NUP37: variants seen among roughly 807,000 people sequenced by gnomAD.
NUP37 encodes nucleoporin 37.
A neutral mutation model predicts 45.4 loss-of-function variants in NUP37; 33 were observed. That is an observed-to-expected ratio of 0.73 (90% CI 0.55 to 0.97). NUP37 has a LOEUF of 0.97. NUP37 is among the 50% of genes least tolerant of loss of function. The pLI is 0.00. For missense variants in NUP37, 365 were observed against 389.7 expected, an observed-to-expected ratio of 0.94 and a Z score of 0.53; for synonymous variants, 127 against 130.7, an observed-to-expected ratio of 0.97 and a Z score of 0.19.
chr12:102,076,945 CCAATGTGTTTAAA>C, intron 7 of NUP37, 98 bp from the exon 8 acceptor site: 2 of 816,188 alleles, frequency 2.5e-6, no homozygotes, highest in Non-Finnish European at 2.0e-6. Flanking sequence ...GACAGAATGT[CCAATGTGTTTAAA>C]CTATAATAAA....
intron 5 of NUP37, among the ~76,000 whole-genome samples, chr12:102,096,654 T>C (rs934422774): frequency 7.2e-5 from 11 of 152,192 alleles, no homozygotes; most frequent in African/African-American, 2.7e-4. Context: ...TCATATGATA[T>C]ACTCTCTTGT....
intron 6 of NUP37, among the ~76,000 whole-genome samples, chr12:102,078,327 T>A (rs4237984): frequency 0.81 from 115,617 of 142,728 alleles, 44,719 homozygotes; most frequent in Middle Eastern, 0.84. Flanking sequence ...ATTCCTTCTT[T>A]AAAAAAAAAA....
In NUP37 at chr12:102,116,997, G is replaced by A. The variant is rs776682339; in HGVS notation, c.156+1366C>T. On this transcript the variant is annotated intron_variant, in intron 2 of 9. Coordinates refer to ENST00000552283, the MANE Select transcript of NUP37 (RefSeq NM_024057.4). ...AGCCTGGATGACAGAGCGAGACTCC[G>A]TCTCAAAACAAAACAAAACAAAAAC... 3.9e-5 allele frequency among the ~76,000 whole-genome samples: 6 copies of A among 152,198 alleles called. No individual in the cohort carries two copies. The East Asian group carries it at 1.2e-3, about 29-fold the overall frequency.
At chr12:102,088,136 A>T (rs1172304844) in intron 5 of NUP37, among the ~76,000 whole-genome samples, 9 of 152,216 alleles carry the variant, frequency 5.9e-5, no homozygotes, top group Admixed American at 5.9e-4. Flanking sequence ...TGTAAAATAC[A>T]ACAAATTGGG....
chr12:102,077,899 AC>A (rs1418636098), intron 6 of NUP37, among the ~76,000 whole-genome samples: 4 of 152,178 alleles, frequency 2.6e-5, no homozygotes, highest in African/African-American at 9.7e-5. Context: ...AAAATCTGAA[AC>A]CCTTCTAGTT....
intron 4 of NUP37, among the ~76,000 whole-genome samples, chr12:102,100,690 T>C (rs1879945214): frequency 6.6e-6 from 1 of 152,208 alleles, no homozygotes; most frequent in South Asian, 2.1e-4. Flanking sequence ...ACTGATCATT[T>C]GTTCCCATGA....
intron 6 of NUP37, among the ~76,000 whole-genome samples, chr12:102,081,670 A>G (rs1200755908): frequency 6.6e-6 from 1 of 152,184 alleles, no homozygotes; most frequent in East Asian, 1.9e-4. Context: ...TGGAAAATAG[A>G]AAGCATTCAA....
intron 6 of NUP37, among the ~76,000 whole-genome samples, chr12:102,082,759 T>C (rs1879364680): frequency 6.6e-6 from 1 of 152,112 alleles, no homozygotes; most frequent in Admixed American, 6.5e-5. Flanking sequence ...CTTAGTCTAG[T>C]AGGCAAGAAG....
intron 3 of NUP37, among the ~76,000 whole-genome samples, chr12:102,110,686 A>G (rs530200649): frequency 1.3e-5 from 2 of 152,052 alleles, no homozygotes; most frequent in Non-Finnish European, 2.9e-5. Flanking sequence ...TACAAAAAAT[A>G]CCAAAATTAG....
intron 2 of NUP37, among the ~76,000 whole-genome samples, chr12:102,114,434 T>C (rs1880404955): frequency 6.6e-6 from 1 of 152,216 alleles, no homozygotes; most frequent in South Asian, 2.1e-4. Flanking sequence ...CTGAGCCAAC[T>C]AAAAGGCCCG....
Position 102,099,293 on chromosome 12 carries a change from C to T in NUP37, c.355-93G>A, listed in dbSNP as rs1879905136. 3.8e-6 allele frequency: 3 copies of T among 783,712 alleles called. No homozygotes were observed. The East Asian group carries it at 7.9e-5, about 21-fold the overall frequency. 48.5% of individuals were successfully genotyped at this position (783,712 alleles called of 1,614,324 possible). On this transcript the variant is annotated intron_variant, in intron 4 of 9. Transcript: ENST00000552283. ...TATTTTTGCTTCACTGCCTTAAAAG[C>T]TTTCACTGCCTGTTTTTCTATAAAT...
chr12:102,101,479 A>G lies in NUP37; in HGVS notation c.282-375T>C, dbSNP rs189962335. 3.5e-3 allele frequency among the ~76,000 whole-genome samples: 528 copies of G among 152,304 alleles called. 1 individual carries two copies. Among genetic ancestry groups the G allele is most frequent in the Non-Finnish European group, 6.0e-3 (408 of 68,016 alleles). On this transcript the variant is annotated intron_variant, in intron 3 of 9. Coordinates refer to ENST00000552283, the MANE Select transcript of NUP37 (RefSeq NM_024057.4). The stretch of plus-strand genomic sequence containing the variant: ...TTCATTTTAGCCAGGTCACCAAGAC[A>G]TATTAAAAATATTGTTATACATCTA...
chr12:102,095,561 A>C (rs779925163), intron 5 of NUP37, among the ~76,000 whole-genome samples: 5 of 152,066 alleles, frequency 3.3e-5, no homozygotes, highest in Non-Finnish European at 7.4e-5. Flanking sequence ...TTTACTTGGG[A>C]ATTTCTTTTA....
intron 5 of NUP37, among the ~76,000 whole-genome samples, chr12:102,087,398 C>T (rs1879502275): frequency 6.6e-6 from 1 of 152,120 alleles, no homozygotes; most frequent in African/African-American, 2.4e-5. Context: ...CAAATGAACA[C>T]AGATGTTTTT....
At chr12:102,085,198 T>G (rs974633748) in intron 6 of NUP37, among the ~76,000 whole-genome samples, 8 of 152,000 alleles carry the variant, frequency 5.3e-5, no homozygotes, top group Non-Finnish European at 7.4e-5. Flanking sequence ...GATGAGCGGA[T>G]CATCTGAGCT....
Position 102,077,349 on chromosome 12 carries a change from C to T in NUP37, c.695G>A (p.Trp232Ter), listed in dbSNP as rs776459315. The change falls in exon 7 of 10, where the codon TGG (tryptophan) becomes TAG (stop). Residue 232 changes from tryptophan (W) to a stop codon, truncating the protein, a stop_gained. Transcript: ENST00000552283. LOFTEE classifies it high-confidence loss of function. ...FKVGAVAGND[W>*]LIWDITRSSY... ...GGACCGAGTAATATCCCAAATTAACCAATCATTTCCTGCAACGGCTCCAAC... is the reference window on the plus strand; with the variant it reads ...GGACCGAGTAATATCCCAAATTAACTAATCATTTCCTGCAACGGCTCCAAC... The T allele has an allele frequency of 6.2e-7, 1 of 1,614,028 alleles. No individual in the cohort carries two copies. The highest frequency in any genetic ancestry group is 1.7e-4 in the Middle Eastern group (1 of 6,058).
intron 6 of NUP37, among the ~76,000 whole-genome samples, chr12:102,083,468 T>C (rs1271101865): frequency 2.0e-5 from 3 of 152,218 alleles, no homozygotes. Context: ...TTAGATACAG[T>C]CTGGGGATTA....
intron 1 of NUP37, chr12:102,119,168 T>C (rs185858061): frequency 1.3e-5 from 2 of 152,348 alleles, no homozygotes; most frequent in East Asian, 1.9e-4. Flanking sequence ...GGGATAGTTA[T>C]GACTCAACGT....
intron 3 of NUP37, among the ~76,000 whole-genome samples, chr12:102,102,013 C>T (rs974332212): frequency 6.6e-6 from 1 of 152,212 alleles, no homozygotes; most frequent in Non-Finnish European, 1.5e-5. Flanking sequence ...GCATGAGCCA[C>T]TGCGCCTGGC....
Sources: allele counts gnomAD v4.1 joint callset (sites outside exome capture counted in the v4.1 genomes callset), GRCh38; gene constraint gnomAD v4.1.1; transcripts MANE v1.5; gene names NCBI Gene and HGNC (gene_info 2026-07-23, HGNC 2026-07-21).